The following WWC2 variants were observed in gnomAD, a reference collection of about 807,000 sequenced individuals.
WWC2 encodes the protein WW and C2 domain containing 2, also known as protein WWC2.
In WWC2, 101 loss-of-function variants were observed where a neutral mutation model predicts 138.5. The ratio of observed to expected loss-of-function variants is 0.73; its 90% CI spans 0.62 to 0.86. WWC2 has a LOEUF of 0.86. WWC2 is among the 40% of genes least tolerant of loss of function. WWC2 has a pLI of 0.00. For missense variants in WWC2, 1,420 were observed against 1,419.4 expected (o/e 1.00, Z -0.01); for synonymous variants, 558 against 538.4 (o/e 1.04, Z -0.50).
chr4:183,295,172 C>G (rs1388195003), intron 21 of WWC2, among the ~76,000 whole-genome samples: 2 of 152,214 alleles, frequency 1.3e-5, no homozygotes, highest in Non-Finnish European at 2.9e-5. Context: ...TCCTTCCTCT[C>G]GAACTCCTAT....
chr4:183,280,824 G>A lies in WWC2; in HGVS notation c.2611G>A (p.Val871Met), dbSNP rs572044894. 2 of 1,601,968 alleles carry A rather than the reference G, an allele frequency of 1.2e-6. No homozygotes were observed. Among genetic ancestry groups the A allele is most frequent in the African/African-American group, 1.3e-5 (1 of 74,898 alleles). The change falls in exon 17 of 23, where the codon GTG (valine) becomes ATG (methionine). Residue 871 changes from valine to methionine, a missense_variant. Physicochemically the swap from Val to Met is conservative, Grantham distance 21. Coordinates refer to ENST00000403733, the MANE Select transcript of WWC2 (RefSeq NM_024949.6). ...AAGAACATCAGCTGAGTTGTTAGCT[G>A]TGGAACAAGAATTAGCACAAGAAGA... ...LARTSAELLA[V>M]EQELAQEEEE...
intron 19 of WWC2, among the ~76,000 whole-genome samples, chr4:183,285,129 A>G (rs1055855037): frequency 6.6e-6 from 1 of 152,180 alleles, no homozygotes; most frequent in Non-Finnish European, 1.5e-5. Context: ...ACAAGCAGTA[A>G]ATAAGATGAA....
rs965730296 is a variant in WWC2, at chr4:183,270,932, A to G, written c.2401-148A>G. 7.4e-6 allele frequency: 5 copies of G among 673,376 alleles called. No homozygotes were observed. In the Admixed American group the frequency reaches 1.6e-4, roughly 21 times the overall value. 41.7% of individuals were successfully genotyped at this position (673,376 alleles called of 1,614,324 possible). A position where few individuals can be genotyped will look rare whatever the true frequency, so the allele number is the denominator to read the frequency against. Reference sequence around the variant, plus strand: ...CATATCCCCATGTTTTAAAAAATCCAGCAATGCTTTATGTCAGGAGAATTG... The same window carrying G: ...CATATCCCCATGTTTTAAAAAATCCGGCAATGCTTTATGTCAGGAGAATTG... On this transcript the variant is annotated intron_variant, in intron 15 of 22. Coordinates refer to ENST00000403733, the MANE Select transcript of WWC2 (RefSeq NM_024949.6).
At chr4:183,283,177 A>C (rs1738137872) in intron 18 of WWC2, among the ~76,000 whole-genome samples, 1 of 152,248 alleles carries the variant, frequency 6.6e-6, no homozygotes, top group Non-Finnish European at 1.5e-5. Flanking sequence ...ATATTCTGTG[A>C]ATATTAAAAG....
chr4:183,129,288 T>C (rs1297059827), intron 1 of WWC2, among the ~76,000 whole-genome samples: 2 of 151,964 alleles, frequency 1.3e-5, no homozygotes, highest in East Asian at 3.9e-4. Context: ...GGGGGAGGGG[T>C]ATCTCTTATG....
chr4:183,102,961 T>C (rs1464734485), intron 1 of WWC2, among the ~76,000 whole-genome samples: 1 of 151,078 alleles, frequency 6.6e-6, no homozygotes. Flanking sequence ...GGAGCTTAAG[T>C]GGGCAGGCCT....
intron 4 of WWC2, among the ~76,000 whole-genome samples, chr4:183,213,025 TA>T (rs1735654577): frequency 1.3e-5 from 2 of 152,228 alleles, no homozygotes; most frequent in Non-Finnish European, 2.9e-5. Context: ...ATAACTATAA[TA>T]AAAGATCAGA....
At chr4:183,134,019 G>GT (rs1216451391) in intron 1 of WWC2, among the ~76,000 whole-genome samples, 6 of 151,622 alleles carry the variant, frequency 4.0e-5, no homozygotes, top group Admixed American at 1.3e-4. Flanking sequence ...TCTTGATTCT[G>GT]TTTTTTTCAG....
rs1255299652 is a variant in WWC2, at chr4:183,268,994, C to T, written c.2231C>T (p.Pro744Leu). ...AGATATTTTAGGGTTGCCGTTCTTC[C>T]TTCCTCAACTGATGTCAGCTGTCTG... Reference protein sequence around the residue: ...SKVYFRVAVLPSSTDVSCLFR... With the variant: ...SKVYFRVAVLLSSTDVSCLFR... Residue 744 changes from proline (P) to leucine (L), a missense_variant, in exon 15 of 23, where the codon CCT (proline) becomes CTT (leucine). Pro to Leu is a moderately conservative substitution (Grantham distance 98). Coordinates refer to ENST00000403733, the MANE Select transcript of WWC2 (RefSeq NM_024949.6). 6.2e-7 allele frequency: 1 copy of T among 1,612,252 alleles called. No homozygotes were observed. The highest frequency in any genetic ancestry group is 8.5e-7 in the Non-Finnish European group (1 of 1,179,432).
At chr4:183,168,480 T>C (rs1174262193) in intron 1 of WWC2, among the ~76,000 whole-genome samples, 4 of 152,220 alleles carry the variant, frequency 2.6e-5, no homozygotes, top group African/African-American at 9.6e-5. Flanking sequence ...GATTGTTAAA[T>C]GTCAAAACTC....
chr4:183,248,784 G>A lies in WWC2; in HGVS notation c.803G>A (p.Cys268Tyr), dbSNP rs767296574. ...GGCAGATCTGAGCCAGATTTGAGAT[G>A]TAGTCCTGTGAACTCTCATTTATGT... is the stretch of plus-strand genomic sequence containing the variant. ...NIGRSEPDLR[C>Y]SPVNSHLCLS... Residue 268 changes from cysteine (C) to tyrosine (Y), a missense_variant, in exon 7 of 23, where the codon TGT becomes TAT. Physicochemically the swap from Cys to Tyr is radical, Grantham distance 194. Transcript: ENST00000403733. 2 of 1,604,050 alleles carry A rather than the reference G, an allele frequency of 1.2e-6. No individual in the cohort carries two copies. The highest frequency in any genetic ancestry group is 1.1e-5 in the South Asian group (1 of 88,946).
At chr4:183,253,295 G>A (rs1040193976) in intron 8 of WWC2, among the ~76,000 whole-genome samples, 2 of 151,950 alleles carry the variant, frequency 1.3e-5, no homozygotes, top group Non-Finnish European at 2.9e-5. Flanking sequence ...TTTTACTAGC[G>A]GACAGCATCT....
intron 1 of WWC2, among the ~76,000 whole-genome samples, chr4:183,144,800 C>T (rs1319035094): frequency 1.3e-5 from 2 of 152,164 alleles, no homozygotes; most frequent in South Asian, 2.1e-4. Context: ...TCTACATACA[C>T]GTTGCATTCT....
intron 1 of WWC2, among the ~76,000 whole-genome samples, chr4:183,139,180 T>G (rs545982662): frequency 6.6e-6 from 1 of 152,138 alleles, no homozygotes; most frequent in Non-Finnish European, 1.5e-5. Flanking sequence ...TTAATCAAGG[T>G]TCAGTTGGGA....
At chr4:183,144,503 C>T (rs973823170) in intron 1 of WWC2, among the ~76,000 whole-genome samples, 3 of 151,904 alleles carry the variant, frequency 2.0e-5, no homozygotes, top group Non-Finnish European at 4.4e-5. Flanking sequence ...GAGATTAGTA[C>T]TAAAATGTAC....
chr4:183,203,329 C>T (rs1054316066), intron 2 of WWC2, among the ~76,000 whole-genome samples: 7 of 151,970 alleles, frequency 4.6e-5, no homozygotes, highest in Non-Finnish European at 4.4e-5. Context: ...GCGGGTACCT[C>T]AGCCCTTCTG....
At chr4:183,142,327 A>G (rs1458392645) in intron 1 of WWC2, among the ~76,000 whole-genome samples, 2 of 152,176 alleles carry the variant, frequency 1.3e-5, no homozygotes, top group Admixed American at 1.3e-4. Flanking sequence ...TGTCTGTCCC[A>G]AATATGCTTT....
chr4:183,164,368 TA>T lies in WWC2; in HGVS notation c.132-29230del, dbSNP rs1561443996. On this transcript the variant is annotated intron_variant, in intron 1 of 22. Transcript: ENST00000403733. ...ATATATTATATATACATATATATAT[TA>T]TATATACATATATATATTATATATA... 9.3e-4 allele frequency among the ~76,000 whole-genome samples: 7 copies of T among 7,496 alleles called. No individual in the cohort carries two copies. The East Asian group carries it at 0.071, about 76-fold the overall frequency. The allele number at this position is 7,496 out of a possible 152,430, so 4.9% of individuals were successfully genotyped here. A position where few individuals can be genotyped will look rare whatever the true frequency, so the allele number is the denominator to read the frequency against.
chr4:183,281,005 A>G, intron 17 of WWC2, 108 bp downstream of exon 17: 3 of 1,410,600 alleles, frequency 2.1e-6, no homozygotes, highest in Non-Finnish European at 2.8e-6. Flanking sequence ...GATGGAATGC[A>G]CTGCACCTTC....
Sources: allele counts gnomAD v4.1 joint callset (sites outside exome capture counted in the v4.1 genomes callset), GRCh38; gene constraint gnomAD v4.1.1; transcripts MANE v1.5; gene names NCBI Gene and HGNC (gene_info 2026-07-23, HGNC 2026-07-21).